AGBL1: variants seen among roughly 807,000 people sequenced by gnomAD.
AGBL1 encodes the protein cytosolic carboxypeptidase 4.
Under a neutral mutation model 118.9 loss-of-function variants are expected in AGBL1, and 130 were observed. The ratio of observed to expected loss-of-function variants is 1.09; its 90% CI spans 0.95 to 1.26. The LOEUF is 1.26. Among genes scored for constraint, AGBL1 ranks in the 50% most tolerant of loss-of-function variants. The pLI, the probability that AGBL1 is intolerant of heterozygous loss-of-function variation, is 0.00. For missense variants in AGBL1, 1,584 were observed against 1,298.1 expected, an observed-to-expected ratio of 1.22 and a Z score of -3.38; for synonymous variants, 555 against 478.9, an observed-to-expected ratio of 1.16 and a Z score of -2.08.
intron 21 of AGBL1, among the ~76,000 whole-genome samples, chr15:86,633,865 G>GTATGTATATATATATAATGTA (rs2085030100): frequency 1.5e-4 from 15 of 102,944 alleles, no homozygotes; most frequent in African/African-American, 5.9e-4. Flanking sequence ...TATATATAAT[G>GTATGTATATATATATAATGTA]TATATATATA....
chr15:86,839,515 G>A (rs140136640), intron 22 of AGBL1, among the ~76,000 whole-genome samples: 2 of 152,122 alleles, frequency 1.3e-5, no homozygotes, highest in Non-Finnish European at 2.9e-5. Context: ...ATGTAGCAGG[G>A]TTTCTCAGCT....
At chr15:86,933,619 T>C (rs2080632007) in intron 23 of AGBL1, among the ~76,000 whole-genome samples, 1 of 152,240 alleles carries the variant, frequency 6.6e-6, no homozygotes. Flanking sequence ...TGGATTTGTC[T>C]GTGCAGCAGG....
chr15:86,504,035 C>A (rs2082946608), intron 18 of AGBL1, among the ~76,000 whole-genome samples: 1 of 151,688 alleles, frequency 6.6e-6, no homozygotes, highest in Non-Finnish European at 1.5e-5. Flanking sequence ...AAATCTCCAA[C>A]AATTTTTGGT....
At chr15:86,552,024 G>A (rs1476134660) in intron 20 of AGBL1, among the ~76,000 whole-genome samples, 1 of 152,182 alleles carries the variant, frequency 6.6e-6, no homozygotes, top group Non-Finnish European at 1.5e-5. Flanking sequence ...TCTTAGGGCA[G>A]TAAAACTACT....
At chr15:86,397,001 A>G (rs2081375155) in intron 17 of AGBL1, among the ~76,000 whole-genome samples, 1 of 152,170 alleles carries the variant, frequency 6.6e-6, no homozygotes, top group Non-Finnish European at 1.5e-5. Context: ...CTTGAGCTGT[A>G]CCTTCATACT....
rs577619178 is a variant in AGBL1 at position 86,756,883 on chromosome 15, A to G, written c.3158+82447A>G. Among the ~76,000 whole-genome samples, 15 of 152,180 alleles carry G rather than the reference A, an allele frequency of 9.9e-5. 1 individual carries two copies. The South Asian group carries it at 2.9e-3, about 29-fold the overall frequency. ...TTTAAGGAAGAATATTGACAGTTCA[A>G]ATAGCTCCCTCTGGCTGTAGTTTGG... On this transcript the variant is annotated intron_variant, in intron 22 of 22. Transcript: ENST00000614907.
intron 17 of AGBL1, among the ~76,000 whole-genome samples, chr15:86,310,787 T>C (rs1332193202): frequency 1.3e-5 from 2 of 152,220 alleles, no homozygotes; most frequent in Non-Finnish European, 2.9e-5. Context: ...CTGAGAGTGC[T>C]AGCAAACTGG....
At chr15:86,363,255 C>A (rs1248449101) in intron 17 of AGBL1, among the ~76,000 whole-genome samples, 1 of 152,116 alleles carries the variant, frequency 6.6e-6, no homozygotes, top group Non-Finnish European at 1.5e-5. Context: ...TGGGCAGATG[C>A]AAACTGGGCA....
intron 6 of AGBL1, among the ~76,000 whole-genome samples, chr15:86,244,058 A>G (rs928204136): frequency 2.4e-4 from 20 of 82,756 alleles, no homozygotes; most frequent in African/African-American, 6.9e-4. Flanking sequence ...TAGATAGATA[A>G]ATAAGTAAAT....
chr15:86,169,034 T>G (rs762287104), intron 5 of AGBL1, among the ~76,000 whole-genome samples: 32 of 152,312 alleles, frequency 2.1e-4, no homozygotes, highest in Non-Finnish European at 3.4e-4. Flanking sequence ...GGGCAGTGAT[T>G]CCTGAGAGAT....
At chr15:86,920,636 A>G (rs148316903), downstream of AGBL1, among the ~76,000 whole-genome samples, 992 of 152,330 alleles carry the variant, frequency 6.5e-3, 17 homozygotes, top group African/African-American at 0.023. Context: ...CAGTTTAAGC[A>G]TTTTATATAC....
chr15:86,719,638 C>T (rs1596402620), intron 22 of AGBL1, among the ~76,000 whole-genome samples: 2 of 152,100 alleles, frequency 1.3e-5, no homozygotes, highest in African/African-American at 4.8e-5. Context: ...CTTCCCCTCC[C>T]TCCCTTTCTT....
At chr15:86,743,160 T>C (rs2077703575) in intron 22 of AGBL1, among the ~76,000 whole-genome samples, 1 of 152,082 alleles carries the variant, frequency 6.6e-6, no homozygotes, top group Non-Finnish European at 1.5e-5. Context: ...CTTTAAAAAG[T>C]ATTTTTTTAA....
intron 23 of AGBL1, among the ~76,000 whole-genome samples, chr15:86,934,604 T>A (rs569250474): frequency 5.3e-5 from 8 of 152,298 alleles, no homozygotes; most frequent in Non-Finnish European, 1.0e-4. Context: ...AATAAATATT[T>A]ATTAACTGCA....
rs112706669 is a variant in AGBL1 at position 86,356,358 on chromosome 15, G to A, written c.2375-41008G>A. Among the ~76,000 whole-genome samples, 531 of 152,104 alleles carry A rather than the reference G, an allele frequency of 3.5e-3. 2 individuals are homozygous for A. The highest frequency in any genetic ancestry group is 0.014 in the Middle Eastern group (4 of 294). On this transcript the variant is annotated intron_variant, in intron 17 of 22. Transcript: ENST00000614907. ...GACGTGTGTGTGTGTGTGTGTGTGC[G>A]CGTGCGCCCGCACGCACGCGCATGT... is the stretch of plus-strand genomic sequence containing the variant.
At chr15:86,093,096 C>A (rs572454636) in intron 1 of AGBL1, among the ~76,000 whole-genome samples, 2 of 152,060 alleles carry the variant, frequency 1.3e-5, no homozygotes, top group African/African-American at 4.8e-5. Flanking sequence ...CAATATAGAG[C>A]TTTCCAAGAA....
intron 13 of AGBL1, among the ~76,000 whole-genome samples, chr15:86,267,396 G>A (rs1029247139): frequency 5.3e-5 from 8 of 152,074 alleles, no homozygotes; most frequent in African/African-American, 1.2e-4. Context: ...TCCATATTTC[G>A]GTGTGAGAGC....
chr15:86,432,837 G>A (rs2081951594), intron 18 of AGBL1, among the ~76,000 whole-genome samples: 2 of 152,144 alleles, frequency 1.3e-5, no homozygotes. Flanking sequence ...TGAGAACAAT[G>A]AGGAGCAGCC....
In AGBL1 at chr15:86,294,204, C is replaced by A. The variant is rs543018700; in HGVS notation, c.2221-1051C>A. Among the ~76,000 whole-genome samples the A allele has an allele frequency of 1.6e-3, 236 of 152,088 alleles. 1 individual carries two copies. The highest frequency in any genetic ancestry group is 5.5e-3 in the African/African-American group (229 of 41,488). On this transcript the variant is annotated intron_variant, in intron 16 of 22. Coordinates refer to ENST00000614907, the MANE Select transcript of AGBL1 (RefSeq NM_001386094.1). ...CCTGAGGTCAGGAGTTCGAGATCAGCCTGGCCAATATGGCAAAACCCCACT... is the reference window on the plus strand; with the variant it reads ...CCTGAGGTCAGGAGTTCGAGATCAGACTGGCCAATATGGCAAAACCCCACT...
Sources: allele counts gnomAD v4.1 joint callset (sites outside exome capture counted in the v4.1 genomes callset), GRCh38; gene constraint gnomAD v4.1.1; transcripts MANE v1.5; gene names NCBI Gene and HGNC (gene_info 2026-07-23, HGNC 2026-07-21).